SFXN5: variants seen among roughly 807,000 people sequenced by gnomAD.
SFXN5 encodes sideroflexin-5.
In SFXN5, 43 loss-of-function variants were observed where a neutral mutation model predicts 50.2. That is an observed-to-expected ratio of 0.86 (90% CI 0.67 to 1.11). The LOEUF (loss-of-function observed/expected upper bound fraction) is 1.11, where lower values mean the gene tolerates loss of function less well. Among genes scored for constraint, SFXN5 ranks in the 50% least tolerant of loss-of-function variants. The probability of loss-of-function intolerance (pLI) is 0.00; values close to 1 mark genes in which losing one functional copy is unlikely to be tolerated. For missense variants in SFXN5, 463 were observed against 454.1 expected (o/e 1.02, Z -0.18); for synonymous variants, 203 against 185.8 (o/e 1.09, Z -0.75).
At chr2:72,978,269 ATTTTTC>A (rs919960563) in intron 10 of SFXN5, among the ~76,000 whole-genome samples, 2 of 149,626 alleles carry the variant, frequency 1.3e-5, no homozygotes, top group African/African-American at 4.9e-5. Context: ...AGATGAACGC[ATTTTTC>A]TTTTTCTTTC....
chr2:73,026,375 C>G (rs1176839578), intron 3 of SFXN5, among the ~76,000 whole-genome samples: 1 of 151,798 alleles, frequency 6.6e-6, no homozygotes, highest in African/African-American at 2.4e-5. Context: ...AAGTGATCCA[C>G]TTGCCTCGGC....
At chr2:72,949,354 C>T (rs1672285411) in intron 13 of SFXN5, among the ~76,000 whole-genome samples, 1 of 152,102 alleles carries the variant, frequency 6.6e-6, no homozygotes, top group East Asian at 1.9e-4. Context: ...GATAGGATCT[C>T]GCTCTGTCAC....
chr2:72,974,855 G>GAA lies in SFXN5; in HGVS notation c.626-3172_626-3171dup, dbSNP rs11430620. The stretch of plus-strand genomic sequence containing the variant: ...TAAGCAAATGATAGAGAGAGAGAGA[G>GAA]AAAAAAAAAAAAACAGAGACAGAGA... On this transcript the variant is annotated intron_variant, in intron 10 of 13. Transcript: ENST00000272433. 9.6e-3 allele frequency among the ~76,000 whole-genome samples: 1,375 copies of GAA among 143,880 alleles called. 18 individuals are homozygous for GAA. The highest frequency in any genetic ancestry group is 0.028 in the Admixed American group (403 of 14,408). 94.4% of individuals were successfully genotyped at this position (143,880 alleles called of 152,430 possible). A position where few individuals can be genotyped will look rare whatever the true frequency, so the allele number is the denominator to read the frequency against.
At chr2:73,045,797 CA>C (rs1680246585) in intron 2 of SFXN5, among the ~76,000 whole-genome samples, 1 of 152,134 alleles carries the variant, frequency 6.6e-6, no homozygotes, top group Non-Finnish European at 1.5e-5. Flanking sequence ...CAGCCATCCC[CA>C]ACTCCATGTT....
chr2:72,948,604 G>A (rs1243304624), intron 13 of SFXN5, among the ~76,000 whole-genome samples: 1 of 152,184 alleles, frequency 6.6e-6, no homozygotes, highest in Non-Finnish European at 1.5e-5. Context: ...ACGGCCCAGG[G>A]CCACGGCCCA....
At chr2:72,966,008 C>T (rs1010025043) in intron 12 of SFXN5, among the ~76,000 whole-genome samples, 1 of 152,200 alleles carries the variant, frequency 6.6e-6, no homozygotes, top group Non-Finnish European at 1.5e-5. Flanking sequence ...TCTTCTGGAA[C>T]AGGATGTCCT....
chr2:73,031,054 C>G (rs1678237777), intron 3 of SFXN5, among the ~76,000 whole-genome samples: 1 of 151,952 alleles, frequency 6.6e-6, no homozygotes, highest in African/African-American at 2.4e-5. Flanking sequence ...AGAAGATGCA[C>G]AAATTCCAAG....
At chr2:72,947,195 G>C (rs1215533352) in intron 13 of SFXN5, among the ~76,000 whole-genome samples, 2 of 152,214 alleles carry the variant, frequency 1.3e-5, no homozygotes, top group Non-Finnish European at 2.9e-5. Flanking sequence ...GTGCGGATCT[G>C]TCTCGCCCCT....
intron 1 of SFXN5, among the ~76,000 whole-genome samples, chr2:73,064,603 C>T (rs1442109817): frequency 1.3e-5 from 2 of 152,148 alleles, no homozygotes; most frequent in South Asian, 2.1e-4. Flanking sequence ...TGCCTCCCAA[C>T]TCTCAGCCCA....
At position 73,058,555 on chromosome 2, in the gene SFXN5, G is replaced by C; in HGVS notation, c.144C>G (p.Ile48Met). ...YGRFRHFLDI[I>M]DPRTLFVTER... Reference sequence around the variant, plus strand: ...CAGTGACAAAGAGTGTGCGAGGGTCGATGATATCCAAGAAGTGCCTGAAGC... The same window carrying C: ...CAGTGACAAAGAGTGTGCGAGGGTCCATGATATCCAAGAAGTGCCTGAAGC... Residue 48 changes from isoleucine to methionine, a missense_variant, in exon 2 of 14, where the codon ATC becomes ATG. By Grantham distance (10) the Ile-to-Met change is conservative. Transcript: ENST00000272433. 1 of 1,614,076 alleles carries C rather than the reference G, an allele frequency of 6.2e-7. No homozygotes were observed.
intron 2 of SFXN5, among the ~76,000 whole-genome samples, chr2:73,042,792 A>C (rs529357419): frequency 6.6e-6 from 1 of 152,062 alleles, no homozygotes; most frequent in South Asian, 2.1e-4. Context: ...ACCCTATCTC[A>C]AAAAACAACA....
intron 1 of SFXN5, among the ~76,000 whole-genome samples, chr2:73,062,756 G>A (rs372359091): frequency 6.6e-5 from 10 of 152,170 alleles, no homozygotes; most frequent in Admixed American, 2.0e-4. Flanking sequence ...ATGAAGCATC[G>A]CGAAGTATAC....
intron 10 of SFXN5, among the ~76,000 whole-genome samples, chr2:72,983,682 A>G (rs1390773885): frequency 2.0e-5 from 3 of 152,094 alleles, no homozygotes; most frequent in African/African-American, 7.2e-5. Context: ...GCTTGCTGAG[A>G]CAACACCTCT....
intron 2 of SFXN5, among the ~76,000 whole-genome samples, chr2:73,056,579 G>C (rs748271140): frequency 1.3e-4 from 20 of 151,774 alleles, no homozygotes; most frequent in African/African-American, 4.6e-4. Flanking sequence ...CAGCTACTTC[G>C]AAGGCTGAGG....
At chr2:73,014,012 A>AT (rs1292087991) in intron 6 of SFXN5, among the ~76,000 whole-genome samples, 1 of 152,164 alleles carries the variant, frequency 6.6e-6, no homozygotes, top group Non-Finnish European at 1.5e-5. Flanking sequence ...AGAGAGCATT[A>AT]CTACTCTGCT....
intron 1 of SFXN5, chr2:73,058,945 C>T: frequency 3.5e-6 from 2 of 569,140 alleles, no homozygotes; most frequent in Non-Finnish European, 4.6e-6. Context: ...AGGCCTGGTC[C>T]CCAGCCCTCT....
intron 13 of SFXN5, among the ~76,000 whole-genome samples, chr2:72,957,272 G>A (rs1323722340): frequency 2.6e-5 from 4 of 152,106 alleles, no homozygotes; most frequent in Non-Finnish European, 5.9e-5. Flanking sequence ...ATACAGTAAG[G>A]TACACCGAGC....
At position 73,059,742 on chromosome 2, in the gene SFXN5, T is replaced by A. The variant is rs1354134605; in HGVS notation, c.103-1146A>T. ...AGAAACAGCTGCCTCTCTAACCTCT[T>A]ATAATCCACACAGCCCAGACCATTT... On this transcript the variant is annotated intron_variant, in intron 1 of 13. Coordinates refer to ENST00000272433, the MANE Select transcript of SFXN5 (RefSeq NM_144579.3). The A allele has an allele frequency of 5.1e-6, 5 of 976,492 alleles. No homozygotes were observed. In the East Asian group the frequency reaches 6.0e-4, roughly 118 times the overall value. The allele number at this position is 976,492 out of a possible 1,614,324, so 60.5% of individuals were successfully genotyped here. A position where few individuals can be genotyped will look rare whatever the true frequency, so the allele number is the denominator to read the frequency against.
intron 13 of SFXN5, among the ~76,000 whole-genome samples, chr2:72,952,150 G>A (rs948417371): frequency 1.3e-5 from 2 of 152,184 alleles, no homozygotes; most frequent in African/African-American, 4.8e-5. Flanking sequence ...CCCTCAGCTG[G>A]ACACTCCAGG....
Sources: gnomAD v4.1 joint callset for allele counts (sites outside exome capture counted in the v4.1 genomes callset) on GRCh38, gnomAD v4.1.1 for gene constraint, MANE v1.5 for transcripts, NCBI Gene and HGNC (gene_info 2026-07-23, HGNC 2026-07-21) for gene names.